The following PEX7 variants were observed in gnomAD, a reference collection of about 807,000 sequenced individuals.
PEX7 encodes peroxisomal biogenesis factor 7, also known as PTS2 receptor.
In PEX7, 34 loss-of-function variants were observed where a neutral mutation model predicts 47.5. The ratio of observed to expected loss-of-function variants is 0.72; its 90% CI spans 0.54 to 0.95. The LOEUF is 0.95. Among genes scored for constraint, PEX7 ranks in the 40% least tolerant of loss-of-function variants. The probability of loss-of-function intolerance (pLI) is 0.00; values close to 1 mark genes in which losing one functional copy is unlikely to be tolerated. For missense variants in PEX7, 394 were observed against 400.3 expected, an observed-to-expected ratio of 0.98 and a Z score of 0.13; for synonymous variants, 141 against 148.8, an observed-to-expected ratio of 0.95 and a Z score of 0.38.
chr6:136,843,238 T>C (rs1197781931), intron 3 of PEX7, among the ~76,000 whole-genome samples: 1 of 152,222 alleles, frequency 6.6e-6, no homozygotes, highest in Non-Finnish European at 1.5e-5. Context: ...CTTGATATAG[T>C]ATCTACTTCA....
intron 8 of PEX7, among the ~76,000 whole-genome samples, chr6:136,883,570 T>C (rs1775413359): frequency 6.6e-6 from 1 of 152,188 alleles, no homozygotes; most frequent in African/African-American, 2.4e-5. Context: ...ATAGAATCAG[T>C]CTCCTTCTCT....
At chr6:136,861,104 A>G (rs1029579950) in intron 5 of PEX7, among the ~76,000 whole-genome samples, 2 of 151,832 alleles carry the variant, frequency 1.3e-5, no homozygotes, top group African/African-American at 4.8e-5. Flanking sequence ...TTATTTTTTG[A>G]GACAGAGTCT....
chr6:136,823,061 C>G (rs1188638548), intron 1 of PEX7: 3 of 985,328 alleles, frequency 3.0e-6, no homozygotes, highest in Non-Finnish European at 3.6e-6. Context: ...TCCTTGAGAC[C>G]GCGCTGCCTC....
chr6:136,842,360 A>T (rs1425684459), intron 3 of PEX7, among the ~76,000 whole-genome samples: 1 of 152,200 alleles, frequency 6.6e-6, no homozygotes, highest in Non-Finnish European at 1.5e-5. Flanking sequence ...TAGCTCTGTC[A>T]TAGAGACCTA....
At chr6:136,843,320 A>G (rs927206214) in intron 3 of PEX7, among the ~76,000 whole-genome samples, 1 of 152,370 alleles carries the variant, frequency 6.6e-6, no homozygotes, top group African/African-American at 2.4e-5. Flanking sequence ...AGAGTGTTCA[A>G]TAAAGGTTTG....
At chr6:136,846,417 G>A (rs553235922) in intron 5 of PEX7, among the ~76,000 whole-genome samples, 1 of 152,162 alleles carries the variant, frequency 6.6e-6, no homozygotes, top group Admixed American at 6.5e-5. Context: ...GTGTGTGCAT[G>A]TGTGCCATGT....
Position 136,834,524 on chromosome 6 carries a change from A to G in PEX7, c.339+8055A>G, listed in dbSNP as rs186297687. ...GAGCCACCACACCCAACTGAAAAGG[A>G]CATTTCTGATGGAGAAGAGCCTCTA... On this transcript the variant is annotated intron_variant, in intron 3 of 9. Transcript: ENST00000318471. 4.3e-3 allele frequency among the ~76,000 whole-genome samples: 653 copies of G among 152,356 alleles called. 2 individuals are homozygous for G. Among genetic ancestry groups the G allele is most frequent in the Non-Finnish European group, 6.9e-3 (469 of 68,032 alleles).
chr6:136,900,825 C>A lies in PEX7; in HGVS notation c.903+2584C>A. The A allele has an allele frequency of 3.1e-6, 1 of 327,172 alleles. No homozygotes were observed. The highest frequency in any genetic ancestry group is 5.8e-6 in the Non-Finnish European group (1 of 171,684). 20.3% of individuals were successfully genotyped at this position (327,172 alleles called of 1,614,324 possible). On this transcript the variant is annotated intron_variant, in intron 9 of 9. Coordinates refer to ENST00000318471, the MANE Select transcript of PEX7 (RefSeq NM_000288.4). This position sits in a 1 kb window ranked among gnomAD's most constrained non-coding sequence, Gnocchi z 4.2. ...CAACAGCTTTCTTCTCAGCCTGGGC[C>A]AAGTCTCTGCCTCTTCTCTTGCTTT...
At chr6:136,840,139 A>G (rs1205372015) in intron 3 of PEX7, among the ~76,000 whole-genome samples, 6 of 152,224 alleles carry the variant, frequency 3.9e-5, no homozygotes, top group Non-Finnish European at 8.8e-5. Context: ...GTGGAAAGAC[A>G]TTGCAGATTT....
intron 5 of PEX7, among the ~76,000 whole-genome samples, chr6:136,861,178 A>G (rs1774956420): frequency 6.6e-6 from 1 of 152,024 alleles, no homozygotes. Context: ...TCTGCCTCCT[A>G]GGCTCAAGCA....
At chr6:136,878,423 A>G (rs556177191) in intron 8 of PEX7, among the ~76,000 whole-genome samples, 1 of 152,302 alleles carries the variant, frequency 6.6e-6, no homozygotes, top group East Asian at 1.9e-4. Flanking sequence ...CCCATTCAGT[A>G]TGATAGTGGC....
chr6:136,910,660 TTCAAAATTA>T (rs1775918938), intron 9 of PEX7, among the ~76,000 whole-genome samples: 1 of 152,230 alleles, frequency 6.6e-6, no homozygotes, highest in African/African-American at 2.4e-5. Flanking sequence ...GCTATCACTA[TTCAAAATTA>T]GTGATAGCCA....
At chr6:136,870,134 C>A in intron 7 of PEX7, 131 bp downstream of exon 7, 1 of 567,648 alleles carries the variant, frequency 1.8e-6, no homozygotes, top group Non-Finnish European at 2.9e-6. Context: ...TTTTTGTTAC[C>A]CAATTAATTA....
intron 3 of PEX7, 121 bp from the exon 4 acceptor site, chr6:136,845,494 T>C: frequency 2.8e-6 from 2 of 725,106 alleles, no homozygotes; most frequent in Non-Finnish European, 5.1e-6. Context: ...GGATAGGAAT[T>C]ATTTGATGTT....
At chr6:136,912,416 T>C (rs1775948205) in intron 9 of PEX7, among the ~76,000 whole-genome samples, 1 of 152,062 alleles carries the variant, frequency 6.6e-6, no homozygotes, top group South Asian at 2.1e-4. Flanking sequence ...AAAGTTGGGG[T>C]CAGGATTCAC....
At chr6:136,911,087 A>T (rs1344181773) in intron 9 of PEX7, among the ~76,000 whole-genome samples, 1 of 152,118 alleles carries the variant, frequency 6.6e-6, no homozygotes, top group Non-Finnish European at 1.5e-5. Flanking sequence ...CATCCCAGTT[A>T]TTGGAAACTG....
At chr6:136,826,942 A>G (rs994716137) in intron 3 of PEX7, among the ~76,000 whole-genome samples, 1 of 152,226 alleles carries the variant, frequency 6.6e-6, no homozygotes, top group African/African-American at 2.4e-5. Flanking sequence ...TTATATCTAA[A>G]TCTGGTTCAT....
chr6:136,879,652 T>G (rs1259305230), intron 8 of PEX7, among the ~76,000 whole-genome samples: 2 of 152,192 alleles, frequency 1.3e-5, no homozygotes, highest in African/African-American at 4.8e-5. Context: ...GATTTGGGTC[T>G]TCTTTTATTC....
chr6:136,898,156 C>G lies in PEX7; in HGVS notation c.818C>G (p.Ser273Ter), dbSNP rs1306724935. The G allele has an allele frequency of 6.2e-7, 1 of 1,608,752 alleles. No homozygotes were observed. ...TATCTTCACAGATTCTGGAACTTTTCAAAGCCTGACTCTCTTCTTGAAACA... is the reference window on the plus strand; with the variant it reads ...TATCTTCACAGATTCTGGAACTTTTGAAAGCCTGACTCTCTTCTTGAAACA... Reference protein sequence around the residue: ...YDFTVRFWNFSKPDSLLETVE... With the variant: ...YDFTVRFWNF The change falls in exon 9 of 10, where the codon TCA becomes TGA. Residue 273 changes from serine to a stop codon, truncating the protein, a stop_gained. Transcript: ENST00000318471. LOFTEE classifies it high-confidence loss of function.
Sources: gnomAD v4.1 joint callset for allele counts (sites outside exome capture counted in the v4.1 genomes callset) on GRCh38, gnomAD v4.1.1 for gene constraint, Gnocchi (gnomAD v3.1) non-coding constraint, MANE v1.5 for transcripts, NCBI Gene and HGNC (gene_info 2026-07-23, HGNC 2026-07-21) for gene names.